Variants in ACADSB observed in about 807,000 individuals in gnomAD.
The protein encoded by ACADSB is acyl-CoA dehydrogenase short/branched chain.
In ACADSB, 40 loss-of-function variants were observed where a neutral mutation model predicts 54.1. The observed-to-expected ratio is 0.74, with a 90% CI of 0.57 to 0.96. The LOEUF is 0.96. ACADSB is among the 40% of genes least tolerant of loss of function. The probability of loss-of-function intolerance (pLI) is 0.00; values close to 1 mark genes in which losing one functional copy is unlikely to be tolerated. For missense variants in ACADSB, 530 were observed against 510.4 expected, an observed-to-expected ratio of 1.04 and a Z score of -0.37; for synonymous variants, 182 against 182.8, an observed-to-expected ratio of 1.00 and a Z score of 0.03.
chr10:123,026,668 G>A (rs1589735359), intron 1 of ACADSB, among the ~76,000 whole-genome samples: 1 of 151,764 alleles, frequency 6.6e-6, no homozygotes, highest in African/African-American at 2.4e-5. Context: ...TTTTAAAAAG[G>A]AGTGAAAAAG....
intron 1 of ACADSB, among the ~76,000 whole-genome samples, chr10:123,009,690 A>AGCCGGT (rs1296306351): frequency 6.9e-6 from 1 of 143,902 alleles, no homozygotes; most frequent in Non-Finnish European, 1.6e-5. Flanking sequence ...GGGGAGCCGG[A>AGCCGGT]GCCGGTGCCG....
chr10:123,009,343 A>G (rs1424801824), intron 1 of ACADSB, among the ~76,000 whole-genome samples: 1 of 152,120 alleles, frequency 6.6e-6, no homozygotes, highest in Non-Finnish European at 1.5e-5. Context: ...CGCGTCCGCA[A>G]GATGTCCTTT....
chr10:123,032,655 T>C (rs1341325974), intron 1 of ACADSB, among the ~76,000 whole-genome samples: 1 of 147,090 alleles, frequency 6.8e-6, no homozygotes, highest in Non-Finnish European at 1.5e-5. Flanking sequence ...AGTCATGTAA[T>C]CTAGGCTCAC....
intron 7 of ACADSB, among the ~76,000 whole-genome samples, chr10:123,045,335 C>G (rs550606044): frequency 0.02 from 734 of 37,534 alleles, 3 homozygotes; most frequent in African/African-American, 0.073. Context: ...CCCGCCACCA[C>G]GCCCAGCCAA....
chr10:123,035,430 T>G (rs1850385500), intron 2 of ACADSB, among the ~76,000 whole-genome samples: 1 of 152,222 alleles, frequency 6.6e-6, no homozygotes, highest in Admixed American at 6.5e-5. Flanking sequence ...TATGATATAT[T>G]TAAAAATCCA....
At chr10:123,011,203 C>T (rs1850029576) in intron 1 of ACADSB, among the ~76,000 whole-genome samples, 1 of 152,184 alleles carries the variant, frequency 6.6e-6, no homozygotes, top group South Asian at 2.1e-4. Context: ...GGAAAGCTAG[C>T]ATTTACTCAC....
At chr10:123,035,307 A>G (rs761184579) in intron 2 of ACADSB, among the ~76,000 whole-genome samples, 1 of 152,184 alleles carries the variant, frequency 6.6e-6, no homozygotes, top group South Asian at 2.1e-4. Flanking sequence ...ACCTTTATCT[A>G]TGAAACACCT....
At chr10:123,021,665 G>T in intron 1 of ACADSB, among the ~76,000 whole-genome samples, 1 of 152,260 alleles carries the variant, frequency 6.6e-6, no homozygotes, top group Non-Finnish European at 1.5e-5. Context: ...TGCAGTAGTT[G>T]TAAGATTTTT....
chr10:123,030,549 GA>G (rs1421822365), intron 1 of ACADSB, among the ~76,000 whole-genome samples: 2 of 145,734 alleles, frequency 1.4e-5, no homozygotes, highest in Non-Finnish European at 1.5e-5. Flanking sequence ...AAAAAGAAAA[GA>G]AAAAAAATTT....
intron 1 of ACADSB, among the ~76,000 whole-genome samples, chr10:123,014,777 C>A (rs1216504149): frequency 6.6e-6 from 1 of 152,152 alleles, no homozygotes; most frequent in Non-Finnish European, 1.5e-5. Flanking sequence ...AGTGACCATT[C>A]AAAGGAGCAG....
At chr10:123,017,413 G>A (rs1442942309) in intron 1 of ACADSB, among the ~76,000 whole-genome samples, 1 of 152,162 alleles carries the variant, frequency 6.6e-6, no homozygotes, top group African/African-American at 2.4e-5. Context: ...CTCTTCCCGG[G>A]TTCAAGTGAT....
chr10:123,014,124 A>G (rs1233689249), intron 1 of ACADSB, among the ~76,000 whole-genome samples: 3 of 152,084 alleles, frequency 2.0e-5, no homozygotes, highest in Non-Finnish European at 2.9e-5. Flanking sequence ...TCCTCATTAA[A>G]GGACAACTTT....
At chr10:123,045,798 C>T (rs546451398) in intron 7 of ACADSB, among the ~76,000 whole-genome samples, 4 of 152,236 alleles carry the variant, frequency 2.6e-5, no homozygotes, top group African/African-American at 9.6e-5. Flanking sequence ...TATAGATGTT[C>T]TGGCAATAAA....
At chr10:123,026,455 C>T (rs897961323) in intron 1 of ACADSB, among the ~76,000 whole-genome samples, 1 of 152,002 alleles carries the variant, frequency 6.6e-6, no homozygotes, top group African/African-American at 2.4e-5. Context: ...GCATAACCAC[C>T]ACTACCATCT....
At position 123,034,507 on chromosome 10, in the gene ACADSB, A is replaced by T; in HGVS notation, c.194A>T (p.Lys65Met). 6.2e-7 allele frequency: 1 copy of T among 1,608,246 alleles called. No individual in the cohort carries two copies. Among genetic ancestry groups the T allele is most frequent in the South Asian group, 1.1e-5 (1 of 91,078 alleles). Residue 65 changes from lysine (K) to methionine (M), a missense_variant, in exon 2 of 11, where the codon AAG becomes ATG. Lys to Met is a moderately conservative substitution (Grantham distance 95, BLOSUM62 -1). Transcript: ENST00000358776. Reference sequence around the variant, plus strand: ...TTTACAGATGAGGAAATGATGATAAAGAGTTCAGGTAAGTAAATTTATCAG... The same window carrying T: ...TTTACAGATGAGGAAATGATGATAATGAGTTCAGGTAAGTAAATTTATCAG... ...QTFTDEEMMIKSSVKKFAQEQ... is the reference protein window; with the variant it reads ...QTFTDEEMMIMSSVKKFAQEQ...
intron 2 of ACADSB, among the ~76,000 whole-genome samples, chr10:123,035,374 G>T (rs529325478): frequency 1.1e-4 from 16 of 152,294 alleles, no homozygotes; most frequent in South Asian, 2.1e-4. Flanking sequence ...AAACCTTAAA[G>T]CAGTTTGCAT....
At chr10:123,047,187 T>A in intron 7 of ACADSB, 22 bp from the exon 8 acceptor site, 1 of 1,536,016 alleles carries the variant, frequency 6.5e-7, no homozygotes, top group Non-Finnish European at 9.0e-7. Flanking sequence ...GAAATTCTGA[T>A]CTTATTTTTT....
rs1181626234 is a variant in ACADSB, at chr10:123,009,035, G to A, written c.6G>A (p.Glu2=). The change falls in exon 1 of 11, where the codon GAG becomes GAA. Residue 2 remains glutamate (E), a synonymous_variant. Coordinates refer to ENST00000358776, the MANE Select transcript of ACADSB (RefSeq NM_001609.4). Reference sequence around the variant, plus strand: ...CGGAGAGGCCTGCGGCGAGGATGGAGGGCCTGGCAGTGCGGTTGCTGCGCG... The same window carrying A: ...CGGAGAGGCCTGCGGCGAGGATGGAAGGCCTGGCAGTGCGGTTGCTGCGCG... The part of the protein sequence containing the change: M[E]GLAVRLLRGS... The A allele has an allele frequency of 3.9e-6, 6 of 1,547,996 alleles. No homozygotes were observed. In the African/African-American group the frequency reaches 4.1e-5, roughly 11 times the overall value.
intron 2 of ACADSB, among the ~76,000 whole-genome samples, chr10:123,035,266 G>C (rs1850383962): frequency 2.0e-5 from 3 of 152,040 alleles, no homozygotes; most frequent in Admixed American, 6.6e-5. Context: ...TAGATAGTGG[G>C]TTTTCATACT....
Sources: gnomAD v4.1 joint callset for allele counts (sites outside exome capture counted in the v4.1 genomes callset) on GRCh38, gnomAD v4.1.1 for gene constraint, MANE v1.5 for transcripts, NCBI Gene and HGNC (gene_info 2026-07-23, HGNC 2026-07-21) for gene names.